The following APP variants were observed in gnomAD, a reference collection of about 807,000 sequenced individuals.
The protein encoded by APP is amyloid-beta precursor protein.
A neutral mutation model predicts 101.4 loss-of-function variants in APP; 31 were observed. That is an observed-to-expected ratio of 0.31 (90% confidence interval 0.23 to 0.41). The LOEUF (loss-of-function observed/expected upper bound fraction) is 0.41, where lower values mean the gene tolerates loss of function less well. Ranked by LOEUF, APP falls within the 10% of genes least tolerant of loss-of-function variation. The pLI, the probability that APP is intolerant of heterozygous loss-of-function variation, is 1.00. For synonymous variants in APP, 366 were observed against 364.4 expected, an observed-to-expected ratio of 1.00 and a Z score of -0.05; for missense variants, 839 against 1,003.7, an observed-to-expected ratio of 0.84 and a Z score of 2.22.
chr21:25,975,913 C>A lies in APP; in HGVS notation c.1299+41G>T, dbSNP rs765037344. 19 of 1,522,102 alleles carry A rather than the reference C, an allele frequency of 1.2e-5. No individual in the cohort carries two copies. The African/African-American group carries it at 2.6e-4, about 21-fold the overall frequency. The allele number at this position is 1,522,102 out of a possible 1,614,324, so 94.3% of individuals were successfully genotyped here. A position where few individuals can be genotyped will look rare whatever the true frequency, so the allele number is the denominator to read the frequency against. ...CTGCAGACACTCATTAAAAAGACTG[C>A]TGGCATGTGATGTTTGGTAGGAAAT... On this transcript the variant is annotated intron_variant, in intron 10 of 17. Transcript: ENST00000346798.
intron 13 of APP, among the ~76,000 whole-genome samples, chr21:25,952,459 T>C (rs1458771052): frequency 6.6e-6 from 1 of 152,162 alleles, no homozygotes; most frequent in Non-Finnish European, 1.5e-5. Flanking sequence ...ATTTGAAGTT[T>C]ATTGTGCTGC....
intron 1 of APP, chr21:26,140,429 T>C (rs1310903263): frequency 7.8e-7 from 1 of 1,281,648 alleles, no homozygotes; most frequent in Admixed American, 3.0e-5. Flanking sequence ...ACTTCTAAGC[T>C]AACAATGGAC....
intron 1 of APP, among the ~76,000 whole-genome samples, chr21:26,128,412 G>T (rs2062727181): frequency 6.6e-6 from 1 of 152,010 alleles, no homozygotes; most frequent in South Asian, 2.1e-4. Context: ...AAATTTTTTT[G>T]GTTCATTTCT....
chr21:26,018,377 A>G (rs1266301716), intron 6 of APP, among the ~76,000 whole-genome samples: 1 of 152,216 alleles, frequency 6.6e-6, no homozygotes, highest in Non-Finnish European at 1.5e-5. Flanking sequence ...TATGTTGAAC[A>G]CAGAAGCAAC....
intron 2 of APP, among the ~76,000 whole-genome samples, chr21:26,098,264 T>C (rs1481779208): frequency 6.6e-6 from 1 of 151,294 alleles, no homozygotes; most frequent in Admixed American, 6.6e-5. Flanking sequence ...AAGAAATACC[T>C]TAAAACCTGG....
At chr21:26,106,712 T>C (rs946116867) in intron 2 of APP, among the ~76,000 whole-genome samples, 1 of 152,162 alleles carries the variant, frequency 6.6e-6, no homozygotes, top group Non-Finnish European at 1.5e-5. Context: ...ACAGTTTAGT[T>C]TAAGCTTCCT....
At chr21:26,102,432 A>G (rs1481959339) in intron 2 of APP, among the ~76,000 whole-genome samples, 1 of 152,168 alleles carries the variant, frequency 6.6e-6, no homozygotes, top group African/African-American at 2.4e-5. Flanking sequence ...CCAAAGAAAC[A>G]GGACAATAAA....
intron 8 of APP, among the ~76,000 whole-genome samples, chr21:25,990,841 C>CA (rs2042832107): frequency 6.6e-6 from 1 of 152,148 alleles, no homozygotes; most frequent in Admixed American, 6.5e-5. Flanking sequence ...TGGTGTCTCT[C>CA]AAAATACCTG....
intron 11 of APP, among the ~76,000 whole-genome samples, chr21:25,967,203 A>T (rs45468200): frequency 6.7e-6 from 1 of 150,054 alleles, no homozygotes; most frequent in Non-Finnish European, 1.5e-5. Context: ...AACTGCCAAC[A>T]TTTTTTTTTT....
intron 1 of APP, among the ~76,000 whole-genome samples, chr21:26,115,677 T>C (rs957696678): frequency 1.3e-5 from 2 of 152,180 alleles, no homozygotes; most frequent in African/African-American, 4.8e-5. Context: ...CAGGGTCCTA[T>C]TCAGGATCTG....
At chr21:25,973,023 C>T (rs1029076306) in intron 11 of APP, among the ~76,000 whole-genome samples, 1 of 151,730 alleles carries the variant, frequency 6.6e-6, no homozygotes, top group Non-Finnish European at 1.5e-5. Flanking sequence ...TTTCTATAAG[C>T]CTAAAGCAAC....
intron 5 of APP, among the ~76,000 whole-genome samples, chr21:26,047,578 C>G (rs1252805443): frequency 6.6e-6 from 1 of 152,130 alleles, no homozygotes; most frequent in Non-Finnish European, 1.5e-5. Context: ...GTGCAAGTGA[C>G]CTGATATACT....
chr21:25,989,989 ACATT>A (rs2042796582), intron 8 of APP, among the ~76,000 whole-genome samples: 1 of 152,168 alleles, frequency 6.6e-6, no homozygotes, highest in Admixed American at 6.5e-5. Context: ...AACGCATTCT[ACATT>A]CAAATATTTA....
intron 3 of APP, among the ~76,000 whole-genome samples, chr21:26,059,363 A>C (rs1476212675): frequency 6.6e-6 from 1 of 152,158 alleles, no homozygotes; most frequent in Non-Finnish European, 1.5e-5. Flanking sequence ...ATCTCTCAAG[A>C]GGTAAAGATG....
At chr21:25,931,252 C>G (rs2040132317) in intron 13 of APP, among the ~76,000 whole-genome samples, 1 of 152,080 alleles carries the variant, frequency 6.6e-6, no homozygotes, top group African/African-American at 2.4e-5. Flanking sequence ...CAGTGGGGCC[C>G]CAGGGAAAGA....
At chr21:26,161,144 G>T (rs2063483817) in intron 1 of APP, among the ~76,000 whole-genome samples, 1 of 152,176 alleles carries the variant, frequency 6.6e-6, no homozygotes, top group African/African-American at 2.4e-5. Context: ...GCATTATCAT[G>T]AGTGATCAAA....
intron 1 of APP, among the ~76,000 whole-genome samples, chr21:26,113,073 T>A (rs2062363176): frequency 6.6e-6 from 1 of 152,080 alleles, no homozygotes; most frequent in East Asian, 1.9e-4. Context: ...GAAAAAAAAA[T>A]TCAGCAAGAA....
At chr21:26,125,899 A>C (rs2062673101) in intron 1 of APP, among the ~76,000 whole-genome samples, 1 of 152,180 alleles carries the variant, frequency 6.6e-6, no homozygotes, top group Admixed American at 6.5e-5. Context: ...CTGGGGAAAA[A>C]ATTATCTGGA....
At chr21:25,940,173 A>G (rs2829992) in intron 13 of APP, among the ~76,000 whole-genome samples, 29,185 of 152,030 alleles carry the variant, frequency 0.19, 6,667 homozygotes, top group African/African-American at 0.55. Context: ...TAAACTAAAC[A>G]GGAGTCAGAG....
Sources: allele counts gnomAD v4.1 joint callset (sites outside exome capture counted in the v4.1 genomes callset), GRCh38; gene constraint gnomAD v4.1.1; transcripts MANE v1.5; gene names NCBI Gene and HGNC (gene_info 2026-07-23, HGNC 2026-07-21).